ANO3: variants seen among roughly 807,000 people sequenced by gnomAD.
The protein encoded by ANO3 is anoctamin 3, also known as anoctamin-3.
In ANO3, 99 loss-of-function variants were observed where a neutral mutation model predicts 144.8. The observed-to-expected ratio is 0.68, with a 90% CI of 0.58 to 0.81. The LOEUF (loss-of-function observed/expected upper bound fraction) is 0.81. ANO3 is among the 30% of genes least tolerant of loss of function. The pLI is 0.00. For missense variants in ANO3, 905 were observed against 1,202.2 expected (o/e 0.75, Z 3.66); for synonymous variants, 414 against 392.6 (o/e 1.05, Z -0.64).
chr11:26,589,034 T>C (rs1851367165), intron 14 of ANO3, among the ~76,000 whole-genome samples: 1 of 152,140 alleles, frequency 6.6e-6, no homozygotes, highest in Middle Eastern at 3.2e-3. Flanking sequence ...TGACTTATGG[T>C]AGTCCTGGGG....
intron 1 of ANO3, among the ~76,000 whole-genome samples, chr11:26,266,971 A>T (rs1374662099): frequency 6.6e-6 from 1 of 151,498 alleles, no homozygotes. Context: ...GGGCACCTGT[A>T]GTCCCAGCTA....
At chr11:26,536,148 G>A (rs1005276527) in intron 9 of ANO3, among the ~76,000 whole-genome samples, 1 of 151,048 alleles carries the variant, frequency 6.6e-6, no homozygotes, top group African/African-American at 2.4e-5. Context: ...GGTAAAACCC[G>A]TCTTTACTAA....
At position 26,398,120 on chromosome 11, in the gene ANO3, C is replaced by CT. The variant is rs577098823; in HGVS notation, c.47-43797dup. On this transcript the variant is annotated intron_variant, in intron 1 of 26. Coordinates refer to ENST00000256737, the MANE Select transcript of ANO3 (RefSeq NM_031418.4). ...CACTATATATTTAGGAGAAAACACTCTAAAAATATACAGGTACAATGCCAG... is the reference window on the plus strand; with the variant it reads ...CACTATATATTTAGGAGAAAACACTCTTAAAAATATACAGGTACAATGCCAG... Among the ~76,000 whole-genome samples, 14 of 152,122 alleles carry CT rather than the reference C, an allele frequency of 9.2e-5. No individual in the cohort carries two copies. The East Asian group carries it at 2.5e-3, about 27-fold the overall frequency.
chr11:26,542,357 G>A (rs889462746), intron 11 of ANO3, among the ~76,000 whole-genome samples: 2 of 151,956 alleles, frequency 1.3e-5, no homozygotes, highest in African/African-American at 4.8e-5. Flanking sequence ...TATTACCAGA[G>A]CCCAATACTT....
intron 4 of ANO3, among the ~76,000 whole-genome samples, chr11:26,481,891 C>T (rs1860231849): frequency 6.6e-6 from 1 of 151,688 alleles, no homozygotes; most frequent in Non-Finnish European, 1.5e-5. Context: ...TTTTTCCTTT[C>T]TTTTTTTTAC....
intron 5 of ANO3, among the ~76,000 whole-genome samples, chr11:26,514,408 G>GT (rs1861784670): frequency 6.6e-6 from 1 of 152,036 alleles, no homozygotes; most frequent in Admixed American, 6.6e-5. Context: ...ACTTTATGAG[G>GT]TGACCAATCT....
chr11:26,259,206 A>G (rs774738396), intron 1 of ANO3, among the ~76,000 whole-genome samples: 3 of 152,194 alleles, frequency 2.0e-5, no homozygotes, highest in Non-Finnish European at 4.4e-5. Context: ...CTGCCACTGA[A>G]TATAGAAATA....
chr11:26,482,426 ATGTGTGTG>A (rs58664691), intron 4 of ANO3, among the ~76,000 whole-genome samples: 20,503 of 140,958 alleles, frequency 0.15, 1,527 homozygotes, highest in South Asian at 0.25. Context: ...ACACAGATAT[ATGTGTGTG>A]TGTGTGTGTG....
At chr11:26,566,062 C>T (rs1237402709) in intron 14 of ANO3, among the ~76,000 whole-genome samples, 1 of 151,790 alleles carries the variant, frequency 6.6e-6, no homozygotes. Flanking sequence ...TAAATTAGTG[C>T]CATTGAGTAC....
chr11:26,216,585 G>T (rs1034487930), intron 1 of ANO3, among the ~76,000 whole-genome samples: 2 of 151,868 alleles, frequency 1.3e-5, no homozygotes, highest in Non-Finnish European at 2.9e-5. Flanking sequence ...TAACTTTTAT[G>T]TGCAAGCTTT....
chr11:26,527,892 C>T (rs1849206248), intron 7 of ANO3, among the ~76,000 whole-genome samples: 1 of 152,160 alleles, frequency 6.6e-6, no homozygotes, highest in Non-Finnish European at 1.5e-5. Context: ...CTTATCATCC[C>T]CACCCACACA....
chr11:26,437,575 C>T (rs1858339637), intron 1 of ANO3, among the ~76,000 whole-genome samples: 1 of 152,178 alleles, frequency 6.6e-6, no homozygotes, highest in Non-Finnish European at 1.5e-5. Context: ...CTGGGTACTT[C>T]AGTTGTAGGT....
intron 3 of ANO3, among the ~76,000 whole-genome samples, chr11:26,448,156 G>A (rs932579995): frequency 8.6e-5 from 13 of 152,010 alleles, no homozygotes; most frequent in African/African-American, 2.4e-4. Context: ...AAAATTAGCC[G>A]GGTGTGGTGG....
intron 1 of ANO3, among the ~76,000 whole-genome samples, 186 bp downstream of exon 1, chr11:26,332,507 C>T (rs908015960): frequency 6.7e-6 from 1 of 149,926 alleles, no homozygotes; most frequent in African/African-American, 2.5e-5. Flanking sequence ...TTTTCTGAGC[C>T]TCCGCACAGT....
intron 1 of ANO3, among the ~76,000 whole-genome samples, chr11:26,269,904 G>A (rs1287576515): frequency 6.6e-6 from 1 of 152,090 alleles, no homozygotes; most frequent in Non-Finnish European, 1.5e-5. Flanking sequence ...ATTAAAAGGA[G>A]GTAATTAGCA....
rs1411026334 is a variant in ANO3, at chr11:26,642,348, T to C, written c.2275+319T>C. On this transcript the variant is annotated intron_variant, in intron 22 of 26. Coordinates refer to ENST00000256737, the MANE Select transcript of ANO3 (RefSeq NM_031418.4). ...CCTTTTTCTTTCTTTCTTTCTTTTT[T>C]TTTTTTTTTTTTTTTTTGAGACAGT... Among the ~76,000 whole-genome samples the C allele has an allele frequency of 3.1e-4, 19 of 60,544 alleles. No individual in the cohort carries two copies. The East Asian group carries it at 3.2e-3, about 10-fold the overall frequency. 39.7% of individuals were successfully genotyped at this position (60,544 alleles called of 152,430 possible).
intron 18 of ANO3, 127 bp downstream of exon 18, chr11:26,624,625 G>A: frequency 1.5e-6 from 1 of 667,472 alleles, no homozygotes; most frequent in East Asian, 2.7e-5. Flanking sequence ...CAATTAAAAA[G>A]GAGAGGGGTA....
chr11:26,459,703 A>G (rs977128779), intron 3 of ANO3, among the ~76,000 whole-genome samples: 4 of 152,050 alleles, frequency 2.6e-5, no homozygotes, highest in African/African-American at 7.2e-5. Flanking sequence ...AACACATTAC[A>G]TATTAGTGGT....
At chr11:26,219,653 A>G (rs1286536733) in intron 1 of ANO3, among the ~76,000 whole-genome samples, 1 of 152,192 alleles carries the variant, frequency 6.6e-6, no homozygotes, top group East Asian at 1.9e-4. Context: ...TAGAATGATA[A>G]CCACAAACGT....
Sources: allele counts gnomAD v4.1 joint callset (sites outside exome capture counted in the v4.1 genomes callset), GRCh38; gene constraint gnomAD v4.1.1; transcripts MANE v1.5; gene names NCBI Gene and HGNC (gene_info 2026-07-23, HGNC 2026-07-21).